Variants in SLC22A9 observed in about 807,000 individuals in gnomAD.
SLC22A9 encodes organic anion transporter 7.
SLC22A9 carries 64 observed loss-of-function variants against 50.1 expected under a neutral mutation model. The ratio of observed to expected loss-of-function variants is 1.28; its 90% CI spans 1.04 to 1.57. The LOEUF (loss-of-function observed/expected upper bound fraction) is 1.57, where lower values mean the gene tolerates loss of function less well. Among genes scored for constraint, SLC22A9 ranks in the 40% most tolerant of loss-of-function variants. The probability of loss-of-function intolerance (pLI) is 0.00; values close to 1 mark genes in which losing one functional copy is unlikely to be tolerated. For synonymous variants in SLC22A9, 261 were observed against 242.5 expected (o/e 1.08, Z -0.71); for missense variants, 757 against 676.1 (o/e 1.12, Z -1.33).
chr11:63,391,376 A>G (rs528652276), intron 6 of SLC22A9, among the ~76,000 whole-genome samples: 1 of 151,914 alleles, frequency 6.6e-6, no homozygotes, highest in South Asian at 2.1e-4. Flanking sequence ...TTCTTTGTTG[A>G]TTTTCTGTCT....
chr11:63,375,255 C>A (rs893015149), intron 4 of SLC22A9, among the ~76,000 whole-genome samples: 1 of 152,140 alleles, frequency 6.6e-6, no homozygotes, highest in Non-Finnish European at 1.5e-5. Context: ...CTTAAGCATG[C>A]ATAAATTATT....
chr11:63,376,259 G>A (rs1380982428), intron 5 of SLC22A9, among the ~76,000 whole-genome samples: 1 of 151,914 alleles, frequency 6.6e-6, no homozygotes, highest in Non-Finnish European at 1.5e-5. Flanking sequence ...TTCTTCCCTG[G>A]AAATACTGCA....
intron 6 of SLC22A9, among the ~76,000 whole-genome samples, chr11:63,400,272 AAG>A (rs1208690487): frequency 6.6e-6 from 1 of 152,074 alleles, no homozygotes; most frequent in Non-Finnish European, 1.5e-5. Flanking sequence ...TATGCAAACT[AAG>A]AAAAAAATAG....
At chr11:63,381,337 C>T (rs1329660909) in intron 5 of SLC22A9, among the ~76,000 whole-genome samples, 2 of 152,160 alleles carry the variant, frequency 1.3e-5, no homozygotes, top group East Asian at 3.9e-4. Flanking sequence ...ACTGTGAGGA[C>T]TGGAATAGAG....
chr11:63,370,006 C>T lies in SLC22A9; in HGVS notation c.-51C>T, dbSNP rs2014319412. On this transcript the variant is annotated 5_prime_UTR_variant, in exon 1 of 10. Coordinates refer to ENST00000279178, the MANE Select transcript of SLC22A9 (RefSeq NM_080866.3). ...GAAAACATTTTCCCTCTTTGAACCT[C>T]TCTGGATACAGTCATTTTGCCTCTA... is the stretch of plus-strand genomic sequence containing the variant. 6.4e-7 allele frequency: 1 copy of T among 1,559,608 alleles called. No individual in the cohort carries two copies. The highest frequency in any genetic ancestry group is 2.2e-5 in the East Asian group (1 of 44,612).
intron 6 of SLC22A9, among the ~76,000 whole-genome samples, chr11:63,386,627 T>A (rs1215778163): frequency 6.6e-6 from 1 of 151,662 alleles, no homozygotes; most frequent in African/African-American, 2.4e-5. Flanking sequence ...GTTTATTGTA[T>A]CCTCTGATGG....
intron 5 of SLC22A9, among the ~76,000 whole-genome samples, chr11:63,376,003 G>A (rs1347231954): frequency 6.6e-6 from 1 of 152,082 alleles, no homozygotes; most frequent in African/African-American, 2.4e-5. Context: ...GGAGGCAGAG[G>A]CACAAAGTAT....
intron 6 of SLC22A9, among the ~76,000 whole-genome samples, chr11:63,405,614 G>A (rs1368552647): frequency 6.6e-6 from 1 of 152,142 alleles, no homozygotes; most frequent in Non-Finnish European, 1.5e-5. Flanking sequence ...AGTGAATGCT[G>A]TGGATATACA....
intron 6 of SLC22A9, among the ~76,000 whole-genome samples, chr11:63,405,963 A>G (rs1188878988): frequency 6.6e-6 from 1 of 152,190 alleles, no homozygotes; most frequent in African/African-American, 2.4e-5. Flanking sequence ...GATAATTTAA[A>G]AATCAACATA....
At chr11:63,371,892 C>A (rs1288193639) in intron 2 of SLC22A9, among the ~76,000 whole-genome samples, 1 of 152,146 alleles carries the variant, frequency 6.6e-6, no homozygotes, top group Non-Finnish European at 1.5e-5. Context: ...TACCTTCACC[C>A]AACCATGTCT....
chr11:63,405,366 C>A (rs679892), intron 6 of SLC22A9, among the ~76,000 whole-genome samples: 1 of 152,052 alleles, frequency 6.6e-6, no homozygotes, highest in African/African-American at 2.4e-5. Flanking sequence ...GGCGACTAAG[C>A]CCTGCTGTGC....
chr11:63,398,373 G>A (rs2014895943), intron 6 of SLC22A9, among the ~76,000 whole-genome samples: 1 of 152,130 alleles, frequency 6.6e-6, no homozygotes, highest in African/African-American at 2.4e-5. Flanking sequence ...CTGATCCCAG[G>A]CCCAGCACAG....
chr11:63,409,668 G>A, intron 9 of SLC22A9, 134 bp from the exon 10 acceptor site: 1 of 832,186 alleles, frequency 1.2e-6, no homozygotes, highest in African/African-American at 1.7e-5. Flanking sequence ...TCAATCCCTT[G>A]GGGGCAGAGA....
At position 63,370,274 on chromosome 11, in the gene SLC22A9, T is replaced by C. The variant is rs1452051695; in HGVS notation, c.218T>C (p.Leu73Ser). ...GGGGCCCTCAGCCAAGATGCACTCT[T>C]GAGAATCTCCATCCCACTGGACTCA... ...DTGALSQDAL[L>S]RISIPLDSNM... The change falls in exon 1 of 10, where the codon TTG (leucine) becomes TCG (serine). Residue 73 changes from leucine to serine, a missense_variant. Coordinates refer to ENST00000279178, the MANE Select transcript of SLC22A9 (RefSeq NM_080866.3). 7.4e-6 allele frequency: 12 copies of C among 1,613,928 alleles called. No individual in the cohort carries two copies. Among genetic ancestry groups the C allele is most frequent in the Non-Finnish European group, 1.0e-5 (12 of 1,179,808 alleles).
At chr11:63,380,699 GGT>G (rs1565183020) in intron 5 of SLC22A9, among the ~76,000 whole-genome samples, 1 of 152,054 alleles carries the variant, frequency 6.6e-6, no homozygotes, top group East Asian at 1.9e-4. Context: ...CCTACTTGGG[GGT>G]GGAAGATGTA....
At chr11:63,398,337 A>G (rs1221811192) in intron 6 of SLC22A9, among the ~76,000 whole-genome samples, 1 of 152,164 alleles carries the variant, frequency 6.6e-6, no homozygotes, top group African/African-American at 2.4e-5. Context: ...CTGGGGTCTC[A>G]CTAGATCACA....
intron 6 of SLC22A9, among the ~76,000 whole-genome samples, chr11:63,404,007 G>T (rs557702935): frequency 1.3e-5 from 2 of 152,092 alleles, no homozygotes; most frequent in South Asian, 4.2e-4. Flanking sequence ...CTTCAGAAAA[G>T]AATTGAAATC....
intron 6 of SLC22A9, among the ~76,000 whole-genome samples, chr11:63,402,670 A>G (rs903229081): frequency 5.3e-5 from 8 of 152,078 alleles, no homozygotes; most frequent in Admixed American, 5.2e-4. Context: ...TTGAAAAAAA[A>G]AAAGGTTTTT....
chr11:63,378,442 G>A (rs918706504), intron 5 of SLC22A9, among the ~76,000 whole-genome samples: 3 of 152,006 alleles, frequency 2.0e-5, no homozygotes, highest in Non-Finnish European at 2.9e-5. Context: ...AAACCTGGAA[G>A]CAGTCCCCTT....
Sources: gnomAD v4.1 joint callset for allele counts (sites outside exome capture counted in the v4.1 genomes callset) on GRCh38, gnomAD v4.1.1 for gene constraint, MANE v1.5 for transcripts, NCBI Gene and HGNC (gene_info 2026-07-23, HGNC 2026-07-21) for gene names.